PUM2: variants seen among roughly 807,000 people sequenced by gnomAD.
The protein encoded by PUM2 is pumilio homolog 2.
In PUM2, 57 loss-of-function variants were observed where a neutral mutation model predicts 124.5. The observed-to-expected ratio is 0.46, with a 90% confidence interval of 0.37 to 0.57. The LOEUF (loss-of-function observed/expected upper bound fraction) is 0.57. Ranked by LOEUF, PUM2 falls within the 20% of genes least tolerant of loss-of-function variation. The pLI is 0.00. For synonymous variants in PUM2, 460 were observed against 446.1 expected, an observed-to-expected ratio of 1.03 and a Z score of -0.39; for missense variants, 1,065 against 1,290.6, an observed-to-expected ratio of 0.83 and a Z score of 2.68.
At chr2:20,326,531 CA>C (rs1683720864) in intron 2 of PUM2, 1 of 612,638 alleles carries the variant, frequency 1.6e-6, no homozygotes, top group African/African-American at 1.9e-5. Context: ...GTTAGTAGTA[CA>C]GAACATGACA....
In PUM2 at chr2:20,250,189, C is replaced by A. The variant is rs886392730; in HGVS notation, c.*1396G>T. 6.6e-6 allele frequency: 1 copy of A among 152,568 alleles called. No individual in the cohort carries two copies. The highest frequency in any genetic ancestry group is 2.4e-5 in the African/African-American group (1 of 41,446). The allele number at this position is 152,568 out of a possible 1,614,324, so 9.5% of individuals were successfully genotyped here. On this transcript the variant is annotated 3_prime_UTR_variant, in exon 21 of 21. Coordinates refer to ENST00000361078, the MANE Select transcript of PUM2 (RefSeq NM_015317.5). ...ACTTCAATTGAAAGTGATCCAAATT[C>A]TAGCAGGTCCATATTAACAGTCAAC... is the stretch of plus-strand genomic sequence containing the variant.
At chr2:20,283,267 C>T in intron 11 of PUM2, 36 bp from the exon 12 acceptor site, 1 of 1,606,280 alleles carries the variant, frequency 6.2e-7, no homozygotes, top group South Asian at 1.1e-5. Flanking sequence ...TTTAAACCAC[C>T]CAGAAAATTC....
At chr2:20,344,545 C>T (rs1214558046) in intron 1 of PUM2, among the ~76,000 whole-genome samples, 1 of 152,118 alleles carries the variant, frequency 6.6e-6, no homozygotes, top group African/African-American at 2.4e-5. Context: ...ACCTATCTCT[C>T]CTATCTCTCT....
At chr2:20,294,934 A>C (rs187037238) in intron 8 of PUM2, among the ~76,000 whole-genome samples, 1 of 152,336 alleles carries the variant, frequency 6.6e-6, no homozygotes, top group Non-Finnish European at 1.5e-5. Flanking sequence ...TTTACTTTCC[A>C]ATCTATAACA....
intron 7 of PUM2, among the ~76,000 whole-genome samples, chr2:20,306,307 T>C (rs987609468): frequency 6.6e-6 from 1 of 152,212 alleles, no homozygotes; most frequent in African/African-American, 2.4e-5. Flanking sequence ...TAATCCTATC[T>C]TCTGGAAGTA....
chr2:20,317,090 AG>A (rs1681137199), intron 3 of PUM2, among the ~76,000 whole-genome samples: 1 of 152,050 alleles, frequency 6.6e-6, no homozygotes, highest in Non-Finnish European at 1.5e-5. Flanking sequence ...CTAGCTACTC[AG>A]GAAGAGGAGG....
chr2:20,297,898 T>G (rs1676013236), intron 7 of PUM2, among the ~76,000 whole-genome samples: 1 of 152,186 alleles, frequency 6.6e-6, no homozygotes, highest in South Asian at 2.1e-4. Flanking sequence ...CTGTGAGAAT[T>G]AAATGTAATA....
intron 16 of PUM2, among the ~76,000 whole-genome samples, chr2:20,256,914 C>T (rs1247893560): frequency 6.6e-6 from 1 of 151,652 alleles, no homozygotes; most frequent in Non-Finnish European, 1.5e-5. Flanking sequence ...CGTGGTGGCG[C>T]ATGTCTGTAA....
chr2:20,323,250 C>T (rs1217755109), intron 2 of PUM2, among the ~76,000 whole-genome samples: 1 of 152,078 alleles, frequency 6.6e-6, no homozygotes, highest in Admixed American at 6.5e-5. Flanking sequence ...AAATTGAGAT[C>T]ATCCTGGCTA....
At chr2:20,271,820 A>C (rs1457237624) in intron 13 of PUM2, among the ~76,000 whole-genome samples, 1 of 152,246 alleles carries the variant, frequency 6.6e-6, no homozygotes, top group African/African-American at 2.4e-5. Flanking sequence ...GATGTGAAAC[A>C]TAGGAAACAT....
At chr2:20,265,806 C>G (rs987553882) in intron 13 of PUM2, among the ~76,000 whole-genome samples, 1 of 152,078 alleles carries the variant, frequency 6.6e-6, no homozygotes, top group Non-Finnish European at 1.5e-5. Flanking sequence ...TTAGTAGTAC[C>G]CTAACTGTTC....
In PUM2 at chr2:20,297,667, A is replaced by C. The variant is rs1271171275; in HGVS notation, c.895T>G (p.Ser299Ala). The C allele has an allele frequency of 1.2e-6, 2 of 1,610,492 alleles. No homozygotes were observed. Among genetic ancestry groups the C allele is most frequent in the Non-Finnish European group, 1.7e-6 (2 of 1,178,268 alleles). The change falls in exon 8 of 21, where the codon TCA becomes GCA. Residue 299 changes from serine (S) to alanine (A), a missense_variant. By Grantham distance (99) the Ser-to-Ala change is moderately conservative (BLOSUM62 1). Coordinates refer to ENST00000361078, the MANE Select transcript of PUM2 (RefSeq NM_015317.5). ...AATGCAGCTGGAGCAAGGCCTGCTG[A>C]GAATACACCAGCTATATTTTAAAAG... The part of the protein sequence containing the change: ...AQQPHIAGVF[S>A]AGLAPAAFVP...
intron 13 of PUM2, among the ~76,000 whole-genome samples, chr2:20,272,102 A>G (rs898044553): frequency 1.1e-4 from 17 of 152,156 alleles, no homozygotes; most frequent in Admixed American, 6.5e-5. Context: ...GGCTGCAGTG[A>G]GCTGAAATCG....
rs1010495286 is a variant in PUM2, at chr2:20,254,082, TAGAAAG to T, written c.2871-74_2871-69del. 22 of 1,363,818 alleles carry T rather than the reference TAGAAAG, an allele frequency of 1.6e-5. No homozygotes were observed. In the Admixed American group the frequency reaches 1.8e-4, roughly 11 times the overall value. 84.5% of individuals were successfully genotyped at this position (1,363,818 alleles called of 1,614,324 possible). ...TTCACAGCAAAATTTCCTTGACTTATAGAAAGAATCTTCTCCAATGAACAATAAAAC... is the reference window on the plus strand; with the variant it reads ...TTCACAGCAAAATTTCCTTGACTTATAATCTTCTCCAATGAACAATAAAAC... On this transcript the variant is annotated intron_variant, in intron 19 of 20. Transcript: ENST00000361078.
At chr2:20,265,591 G>C (rs936980499) in intron 13 of PUM2, among the ~76,000 whole-genome samples, 1 of 149,870 alleles carries the variant, frequency 6.7e-6, no homozygotes, top group African/African-American at 2.5e-5. Context: ...ATTTCAATTT[G>C]GTTAAAATTT....
chr2:20,324,937 TTAA>T (rs1450378986), intron 2 of PUM2, among the ~76,000 whole-genome samples: 3 of 127,158 alleles, frequency 2.4e-5, no homozygotes, highest in Non-Finnish European at 5.0e-5. Flanking sequence ...CCGTTTTGCA[TTAA>T]AAAAAAAAAA....
chr2:20,346,901 G>A (rs1249913675), intron 1 of PUM2, among the ~76,000 whole-genome samples: 1 of 152,136 alleles, frequency 6.6e-6, no homozygotes, highest in African/African-American at 2.4e-5. Context: ...CTCCAAATAG[G>A]TGATGACTAC....
Position 20,253,834 on chromosome 2 carries a change from T to G in PUM2, c.3051A>C (p.Ile1017=), listed in dbSNP as rs374862366. The G allele has an allele frequency of 2.5e-6, 4 of 1,612,054 alleles. No individual in the cohort carries two copies. In the African/African-American group the frequency reaches 5.3e-5, roughly 22 times the overall value. Residue 1017 remains isoleucine, a synonymous_variant, in exon 20 of 21, where the codon ATA becomes ATC. Transcript: ENST00000361078. ...IDMAEPAQRK[I]IMHKIRPHIT... is the part of the protein sequence containing the mutation. ...CATGCTGTATTACCTTGTGCATGAT[T>G]ATCTTTCTCTGAGCAGGTTCAGCCA...
chr2:20,292,096 G>T (rs1674269257), intron 9 of PUM2, among the ~76,000 whole-genome samples: 1 of 150,120 alleles, frequency 6.7e-6, no homozygotes, highest in South Asian at 2.1e-4. Flanking sequence ...CCAGGAGGAG[G>T]TTTTTTCATA....
Sources: gnomAD v4.1 joint callset for allele counts (sites outside exome capture counted in the v4.1 genomes callset) on GRCh38, gnomAD v4.1.1 for gene constraint, MANE v1.5 for transcripts, NCBI Gene and HGNC (gene_info 2026-07-23, HGNC 2026-07-21) for gene names.